Variants in MEF2A observed in about 807,000 individuals in gnomAD.
MEF2A encodes myocyte enhancer factor 2A, also known as myocyte-specific enhancer factor 2A.
A neutral mutation model predicts 55.8 loss-of-function variants in MEF2A; 28 were observed. The ratio of observed to expected loss-of-function variants is 0.50; its 90% CI spans 0.37 to 0.69. The LOEUF (loss-of-function observed/expected upper bound fraction) is 0.69, where lower values mean the gene tolerates loss of function less well. Among genes scored for constraint, MEF2A ranks in the 30% least tolerant of loss-of-function variants. The pLI is 0.00. For missense variants in MEF2A, 528 were observed against 626.2 expected (o/e 0.84, Z 1.67); for synonymous variants, 239 against 227.1 (o/e 1.05, Z -0.47).
chr15:99,591,182 C>T (rs1273687742), intron 1 of MEF2A, among the ~76,000 whole-genome samples: 1 of 152,128 alleles, frequency 6.6e-6, no homozygotes, highest in Non-Finnish European at 1.5e-5. Flanking sequence ...CTTCTTAAAA[C>T]TCTTCCTTCA....
In MEF2A at chr15:99,708,250, G is replaced by A. The variant is rs191324823; in HGVS notation, c.1009+1395G>A. On this transcript the variant is annotated intron_variant, in intron 10 of 11. Coordinates refer to ENST00000557942, the MANE Select transcript of MEF2A (RefSeq NM_001319206.4). The stretch of plus-strand genomic sequence containing the variant: ...TGGAGGGGAAGTCCTGAATTGTTGT[G>A]ATTGTGAATTTATACTCTGAGAATT... 8.5e-5 allele frequency among the ~76,000 whole-genome samples: 13 copies of A among 152,300 alleles called. No homozygotes were observed. The East Asian group carries it at 2.3e-3, about 27-fold the overall frequency.
chr15:99,569,857 G>A (rs971124908), intron 1 of MEF2A, among the ~76,000 whole-genome samples: 1 of 151,726 alleles, frequency 6.6e-6, no homozygotes, highest in African/African-American at 2.4e-5. Flanking sequence ...TGATTTTCTC[G>A]TGTATAGTTT....
chr15:99,647,388 A>G (rs980271727), intron 4 of MEF2A, among the ~76,000 whole-genome samples: 3 of 152,030 alleles, frequency 2.0e-5, no homozygotes, highest in African/African-American at 7.2e-5. Context: ...ATGTCAGCAA[A>G]TAAGTATTCT....
At chr15:99,575,031 TCTC>T in intron 1 of MEF2A, among the ~76,000 whole-genome samples, 1 of 131,690 alleles carries the variant, frequency 7.6e-6, no homozygotes, top group East Asian at 2.3e-4. Context: ...TTTTTCCTCA[TCTC>T]CTTTTTTTCT....
At chr15:99,660,346 A>G (rs2048419903) in intron 4 of MEF2A, among the ~76,000 whole-genome samples, 1 of 152,150 alleles carries the variant, frequency 6.6e-6, no homozygotes, top group African/African-American at 2.4e-5. Flanking sequence ...TGGGCACAAA[A>G]CTAGACTCTG....
chr15:99,706,912 G>T, intron 10 of MEF2A, 57 bp downstream of exon 10: 2 of 1,538,530 alleles, frequency 1.3e-6, no homozygotes, highest in Middle Eastern at 1.7e-4. Context: ...TGTGATCAAC[G>T]TGTGCTTCTG....
chr15:99,668,874 A>G (rs532273824), intron 4 of MEF2A, among the ~76,000 whole-genome samples: 1 of 152,346 alleles, frequency 6.6e-6, no homozygotes, highest in East Asian at 1.9e-4. Context: ...TGGGTCCTCA[A>G]AACAACTCTT....
intron 2 of MEF2A, among the ~76,000 whole-genome samples, chr15:99,612,800 C>G (rs553764298): frequency 6.6e-6 from 1 of 152,218 alleles, no homozygotes; most frequent in Admixed American, 6.5e-5. Context: ...TTAATAGTTA[C>G]ACCTGTCTCA....
At chr15:99,666,784 T>G (rs188006220) in intron 4 of MEF2A, among the ~76,000 whole-genome samples, 8 of 152,220 alleles carry the variant, frequency 5.3e-5, no homozygotes, top group Admixed American at 4.6e-4. Flanking sequence ...TAGAAATATT[T>G]TTAGGCAGTA....
intron 7 of MEF2A, among the ~76,000 whole-genome samples, chr15:99,687,366 G>GGT (rs1438076547): frequency 2.6e-5 from 4 of 151,802 alleles, no homozygotes; most frequent in East Asian, 3.9e-4. Flanking sequence ...GGGGTGTGTG[G>GGT]GTGTGTGTGT....
chr15:99,573,325 C>T (rs563086532), intron 1 of MEF2A, among the ~76,000 whole-genome samples: 1 of 150,482 alleles, frequency 6.6e-6, no homozygotes, highest in Non-Finnish European at 1.5e-5. Flanking sequence ...TCCTAATCAA[C>T]GGAAATAACC....
intron 1 of MEF2A, among the ~76,000 whole-genome samples, chr15:99,569,371 C>T (rs759624102): frequency 1.3e-5 from 2 of 152,180 alleles, no homozygotes; most frequent in African/African-American, 2.4e-5. Flanking sequence ...AGTACCCATA[C>T]GTTTAGTGTT....
intron 2 of MEF2A, among the ~76,000 whole-genome samples, chr15:99,601,671 ATTC>A (rs1369733592): frequency 2.0e-5 from 3 of 152,028 alleles, no homozygotes; most frequent in African/African-American, 7.2e-5. Context: ...CCATTCATGT[ATTC>A]TTAGGATAAT....
intron 5 of MEF2A, among the ~76,000 whole-genome samples, chr15:99,673,256 G>T (rs1212455426): frequency 2.0e-5 from 3 of 152,016 alleles, no homozygotes; most frequent in African/African-American, 7.2e-5. Context: ...AGTTACTTTT[G>T]GGCAAATACC....
intron 1 of MEF2A, among the ~76,000 whole-genome samples, chr15:99,575,339 CTTCAGCCTT>C (rs1388983334): frequency 6.6e-6 from 1 of 151,968 alleles, no homozygotes; most frequent in Admixed American, 6.6e-5. Context: ...TGAAACAGTT[CTTCAGCCTT>C]TTTAATTTTT....
chr15:99,648,008 G>A lies in MEF2A; in HGVS notation c.258+2244G>A, dbSNP rs564032485. ...TTCACTAGTAGTGCAATTCACATAC[G>A]AGTTCTTTTTGCCAGTAGTGTAATG... On this transcript the variant is annotated intron_variant, in intron 4 of 11. Transcript: ENST00000557942. 4.6e-5 allele frequency among the ~76,000 whole-genome samples: 7 copies of A among 152,160 alleles called. No homozygotes were observed. The South Asian group carries it at 1.2e-3, about 27-fold the overall frequency.
chr15:99,640,579 C>G (rs2044709359), intron 3 of MEF2A, among the ~76,000 whole-genome samples: 1 of 139,664 alleles, frequency 7.2e-6, no homozygotes, highest in Non-Finnish European at 1.5e-5. Flanking sequence ...TTTTTTGAGA[C>G]AGGGTCTTGC....
chr15:99,675,302 G>GT, intron 6 of MEF2A, 97 bp from the exon 7 acceptor site: 1 of 1,064,380 alleles, frequency 9.4e-7, no homozygotes, highest in Non-Finnish European at 1.5e-6. Context: ...TAGGATTAGA[G>GT]TGAGAGTTAT....
chr15:99,591,102 A>G lies in MEF2A; in HGVS notation c.-224-7328A>G, dbSNP rs192059181. ...ATTTGTTACAACTGAGGGCTGATAC[A>G]TTATTCTTAGCTGAGTCCATAGTTC... On this transcript the variant is annotated intron_variant, in intron 1 of 11. Coordinates refer to ENST00000557942, the MANE Select transcript of MEF2A (RefSeq NM_001319206.4). 1.7e-3 allele frequency among the ~76,000 whole-genome samples: 257 copies of G among 152,210 alleles called. 2 individuals are homozygous for G. Among genetic ancestry groups the G allele is most frequent in the African/African-American group, 6.0e-3 (250 of 41,536 alleles).
Sources: allele counts gnomAD v4.1 joint callset (sites outside exome capture counted in the v4.1 genomes callset), GRCh38; gene constraint gnomAD v4.1.1; transcripts MANE v1.5; gene names NCBI Gene and HGNC (gene_info 2026-07-23, HGNC 2026-07-21).